The following PITPNM2 variants were observed in gnomAD, a reference collection of about 807,000 sequenced individuals.
PITPNM2 encodes the protein phosphatidylinositol transfer protein membrane associated 2, also known as membrane-associated phosphatidylinositol transfer protein 2.
A neutral mutation model predicts 132.2 loss-of-function variants in PITPNM2; 35 were observed. That is an observed-to-expected ratio of 0.26 (90% CI 0.20 to 0.35). The LOEUF is 0.35. Among genes scored for constraint, PITPNM2 ranks in the 10% least tolerant of loss-of-function variants. The probability of loss-of-function intolerance (pLI) is 1.00; values close to 1 mark genes in which losing one functional copy is unlikely to be tolerated. For missense variants in PITPNM2, 1,332 were observed against 1,912.0 expected (o/e 0.70, Z 5.66); for synonymous variants, 738 against 799.2 (o/e 0.92, Z 1.29).
intron 3 of PITPNM2, among the ~76,000 whole-genome samples, chr12:123,024,328 C>T (rs1337079229): frequency 6.6e-6 from 1 of 152,070 alleles, no homozygotes; most frequent in Non-Finnish European, 1.5e-5. Context: ...ATGGTGGGAA[C>T]GTAAAATGGT....
upstream of PITPNM2, among the ~76,000 whole-genome samples, chr12:123,151,198 C>G (rs1246002573): frequency 6.9e-6 from 1 of 144,460 alleles, no homozygotes; most frequent in South Asian, 2.4e-4. Context: ...CCTGCGGAGT[C>G]TCGGCCCGGC....
chr12:123,122,879 C>A (rs2043059118), intron 1 of PITPNM2, among the ~76,000 whole-genome samples: 1 of 152,178 alleles, frequency 6.6e-6, no homozygotes, highest in Non-Finnish European at 1.5e-5. Context: ...CTCTTCCTTG[C>A]CTGGGGTTTT....
At chr12:123,027,238 C>T (rs1021496115) in intron 3 of PITPNM2, among the ~76,000 whole-genome samples, 1 of 152,186 alleles carries the variant, frequency 6.6e-6, no homozygotes, top group African/African-American at 2.4e-5. Flanking sequence ...ACTCTTCATG[C>T]TGACTCCAGT....
At chr12:123,139,983 TA>T (rs1412517747) in intron 1 of PITPNM2, among the ~76,000 whole-genome samples, 1 of 152,082 alleles carries the variant, frequency 6.6e-6, no homozygotes. Flanking sequence ...TGAGGAAACC[TA>T]AAAAGGGATA....
intron 1 of PITPNM2, among the ~76,000 whole-genome samples, chr12:123,116,792 A>AG (rs1352607134): frequency 1.3e-5 from 2 of 152,110 alleles, no homozygotes; most frequent in Admixed American, 1.3e-4. Flanking sequence ...GGTGATGAGG[A>AG]GGGGAACGGA....
chr12:122,992,477 T>G lies in PITPNM2; in HGVS notation c.2404+22A>C, dbSNP rs968823002. The G allele has an allele frequency of 6.3e-7, 1 of 1,595,170 alleles. No homozygotes were observed. Among genetic ancestry groups the G allele is most frequent in the Admixed American group, 1.7e-5 (1 of 58,202 alleles). On this transcript the variant is annotated intron_variant, in intron 16 of 25. Coordinates refer to ENST00000320201, the MANE Select transcript of PITPNM2 (RefSeq NM_020845.3). The surrounding 1 kb of genome is among the most constrained non-coding windows in gnomAD (Gnocchi z 6.5). ...CTTACCCCACCTTCCCCCAGAGGAG[T>G]GGGGCGGAATGTGCCTCTCACCCAG...
At chr12:123,094,093 G>A (rs536564924) in intron 2 of PITPNM2, among the ~76,000 whole-genome samples, 15 of 152,202 alleles carry the variant, frequency 9.9e-5, no homozygotes, top group South Asian at 8.3e-4. Context: ...ACAAAGCATC[G>A]TCAAACACTC....
Position 123,079,242 on chromosome 12 carries a change from C to T in PITPNM2, c.-96+31143G>A, listed in dbSNP as rs114584473. Among the ~76,000 whole-genome samples the T allele has an allele frequency of 6.1e-3, 930 of 152,220 alleles. 12 individuals are homozygous for T. Among genetic ancestry groups the T allele is most frequent in the African/African-American group, 0.022 (894 of 41,520 alleles). ...GCAGGTCTGCATCCGGCACCAGAGC[C>T]TACCAGGCCCAGCTGCCCTGACACA... On this transcript the variant is annotated intron_variant, in intron 2 of 25. Transcript: ENST00000320201.
Position 122,985,707 on chromosome 12 carries a change from C to A in PITPNM2, c.*320G>T. On this transcript the variant is annotated 3_prime_UTR_variant, in exon 26 of 26. Coordinates refer to ENST00000320201, the MANE Select transcript of PITPNM2 (RefSeq NM_020845.3). ...GTGGCAGGCTGCGCCTGGGCCCACA[C>A]CTGGCACCAGGACACTTGGAGATCC... 1 of 279,694 alleles carries A rather than the reference C, an allele frequency of 3.6e-6. No individual in the cohort carries two copies. The highest frequency in any genetic ancestry group is 6.6e-6 in the Non-Finnish European group (1 of 151,860). The allele number at this position is 279,694 out of a possible 1,614,324, so 17.3% of individuals were successfully genotyped here. A position where few individuals can be genotyped will look rare whatever the true frequency, so the allele number is the denominator to read the frequency against.
intron 2 of PITPNM2, among the ~76,000 whole-genome samples, chr12:123,079,971 T>C (rs2041909860): frequency 6.6e-6 from 1 of 152,196 alleles, no homozygotes; most frequent in Non-Finnish European, 1.5e-5. Flanking sequence ...ACTCTCTGTC[T>C]GTCTCTATGG....
At position 123,146,484 on chromosome 12, in the gene PITPNM2, C is replaced by T. The variant is rs1388050022; in HGVS notation, c.-200+4269G>A. Among the ~76,000 whole-genome samples, 3 of 151,982 alleles carry T rather than the reference C, an allele frequency of 2.0e-5. No individual in the cohort carries two copies. In the East Asian group the frequency reaches 5.8e-4, roughly 29 times the overall value. On this transcript the variant is annotated intron_variant, in intron 1 of 25. Coordinates refer to ENST00000320201, the MANE Select transcript of PITPNM2 (RefSeq NM_020845.3). ...TGGTGGGCGCCTGTAATCCCAGCTA[C>T]CCAGGAGGCTGAGGCAGGAGAATCG...
chr12:123,136,980 A>T (rs1433770493), intron 1 of PITPNM2, among the ~76,000 whole-genome samples: 2 of 152,208 alleles, frequency 1.3e-5, no homozygotes, highest in Non-Finnish European at 2.9e-5. Flanking sequence ...AGCACACAAA[A>T]TTGACCCTGG....
In PITPNM2 at chr12:122,985,542, C is replaced by T. The variant is rs1343533671; in HGVS notation, c.*485G>A. 6.4e-6 allele frequency: 1 copy of T among 155,728 alleles called. No homozygotes were observed. The highest frequency in any genetic ancestry group is 1.4e-5 in the Non-Finnish European group (1 of 70,410). 9.6% of individuals were successfully genotyped at this position (155,728 alleles called of 1,614,324 possible). A position where few individuals can be genotyped will look rare whatever the true frequency, so the allele number is the denominator to read the frequency against. On this transcript the variant is annotated 3_prime_UTR_variant, in exon 26 of 26. Coordinates refer to ENST00000320201, the MANE Select transcript of PITPNM2 (RefSeq NM_020845.3). ...AGCCATAGGAGGTGGTAATGGGTCT[C>T]CGCTCTCAAAAATCAGTGCAAAACC...
In PITPNM2 at chr12:123,008,409, C is replaced by T. The variant is rs934928005; in HGVS notation, c.643+1441G>A. On this transcript the variant is annotated intron_variant, in intron 6 of 25. Coordinates refer to ENST00000320201, the MANE Select transcript of PITPNM2 (RefSeq NM_020845.3). This position sits in a 1 kb window ranked among gnomAD's most constrained non-coding sequence, Gnocchi z 4.1. ...CTGATGTGTTCAGGTTCCTGGAGGT[C>T]GAGAAGGGCGGTAGGGGACGCCCTG... is the stretch of plus-strand genomic sequence containing the variant. 3.9e-5 allele frequency among the ~76,000 whole-genome samples: 6 copies of T among 152,262 alleles called. No individual in the cohort carries two copies. Among genetic ancestry groups the T allele is most frequent in the South Asian group, 2.1e-4 (1 of 4,824 alleles).
chr12:123,088,398 A>G (rs2042171093), intron 2 of PITPNM2: 1 of 152,042 alleles, frequency 6.6e-6, no homozygotes, highest in African/African-American at 2.4e-5. Context: ...AGCATATTTT[A>G]GGAAGGAATT....
intron 1 of PITPNM2, among the ~76,000 whole-genome samples, chr12:123,112,073 AG>A (rs1448017533): frequency 6.6e-6 from 1 of 152,144 alleles, no homozygotes; most frequent in Non-Finnish European, 1.5e-5. Context: ...TTAGATCCAC[AG>A]GGGCTATGAG....
intron 2 of PITPNM2, among the ~76,000 whole-genome samples, chr12:123,048,790 T>C (rs2040757836): frequency 1.3e-5 from 2 of 152,248 alleles, no homozygotes; most frequent in Middle Eastern, 3.4e-3. Context: ...TGGTTATGGT[T>C]ATATAACAGT....
At chr12:123,037,397 A>G (rs1393180045) in intron 2 of PITPNM2, among the ~76,000 whole-genome samples, 1 of 152,210 alleles carries the variant, frequency 6.6e-6, no homozygotes, top group East Asian at 1.9e-4. Flanking sequence ...TTGAAGCCCC[A>G]GCATCGCCCA....
At chr12:122,999,587 C>T (rs1403716619) in intron 10 of PITPNM2, among the ~76,000 whole-genome samples, 1 of 152,116 alleles carries the variant, frequency 6.6e-6, no homozygotes, top group Non-Finnish European at 1.5e-5. Flanking sequence ...GCCTGTCTGA[C>T]TGGGCTCAGC....
Sources: gnomAD v4.1 joint callset for allele counts (sites outside exome capture counted in the v4.1 genomes callset) on GRCh38, gnomAD v4.1.1 for gene constraint, Gnocchi (gnomAD v3.1) non-coding constraint, MANE v1.5 for transcripts, NCBI Gene and HGNC (gene_info 2026-07-23, HGNC 2026-07-21) for gene names.